Variants in COL21A1 observed in about 807,000 individuals in gnomAD.
The protein encoded by COL21A1 is collagen alpha-1(XXI) chain.
COL21A1 carries 149 observed loss-of-function variants against 137.9 expected under a neutral mutation model. The observed-to-expected ratio is 1.08, with a 90% CI of 0.95 to 1.24. COL21A1 has a LOEUF of 1.24. Among genes scored for constraint, COL21A1 ranks in the 50% most tolerant of loss-of-function variants. COL21A1 has a pLI of 0.00. For missense variants in COL21A1, 1,167 were observed against 1,158.4 expected (o/e 1.01, Z -0.11); for synonymous variants, 456 against 391.5 (o/e 1.16, Z -1.95).
At chr6:56,105,528 A>G (rs1770812499) in intron 16 of COL21A1, among the ~76,000 whole-genome samples, 2 of 152,192 alleles carry the variant, frequency 1.3e-5, no homozygotes, top group Non-Finnish European at 2.9e-5. Flanking sequence ...TCTAGTTAAG[A>G]TATCATTAAA....
In COL21A1 at chr6:56,260,812, G is replaced by T. The variant is rs938778333; in HGVS notation, c.-38-78156C>A. ...AGTGGAAGACAATTTTGTATTCAAA[G>T]AAGCCACATTTTGGAGCACAATTTA... On this transcript the variant is annotated intron_variant, in intron 1 of 28. Transcript: ENST00000370819. Among the ~76,000 whole-genome samples, 7 of 141,554 alleles carry T rather than the reference G, an allele frequency of 4.9e-5. No homozygotes were observed. In the East Asian group the frequency reaches 1.5e-3, roughly 30 times the overall value. The allele number at this position is 141,554 out of a possible 152,430, so 92.9% of individuals were successfully genotyped here.
At chr6:56,376,810 G>C (rs886865509) in intron 1 of COL21A1, among the ~76,000 whole-genome samples, 3 of 149,996 alleles carry the variant, frequency 2.0e-5, no homozygotes, top group Non-Finnish European at 4.4e-5. Flanking sequence ...AGAATAGAAG[G>C]CTCCACCAAT....
chr6:56,286,695 C>CT (rs5876500), intron 1 of COL21A1, among the ~76,000 whole-genome samples: 103,945 of 151,958 alleles, frequency 0.68, 36,564 homozygotes, highest in African/African-American at 0.76. Context: ...AACTTAATAT[C>CT]TGTTTTTTCC....
chr6:56,242,016 C>T (rs934339665), intron 1 of COL21A1, among the ~76,000 whole-genome samples: 3 of 152,148 alleles, frequency 2.0e-5, no homozygotes, highest in Non-Finnish European at 4.4e-5. Context: ...TTGGTAGACA[C>T]TTAATAGTTA....
chr6:56,342,424 G>A (rs11962322), intron 1 of COL21A1, among the ~76,000 whole-genome samples: 21,820 of 152,148 alleles, frequency 0.14, 2,089 homozygotes, highest in African/African-American at 0.27. Context: ...CCACTGACCT[G>A]AGGATGAAAC....
intron 16 of COL21A1, among the ~76,000 whole-genome samples, chr6:56,121,358 G>A (rs6926301): frequency 0.55 from 82,945 of 150,906 alleles, 23,079 homozygotes; most frequent in East Asian, 0.79. Flanking sequence ...AGAGTAAAAA[G>A]ATCAATGGTT....
intron 1 of COL21A1, among the ~76,000 whole-genome samples, chr6:56,185,144 A>G (rs1778181561): frequency 6.6e-6 from 1 of 151,946 alleles, no homozygotes; most frequent in African/African-American, 2.4e-5. Context: ...CTAAGCTTCC[A>G]CCTTAAGAAG....
intron 7 of COL21A1, among the ~76,000 whole-genome samples, chr6:56,166,604 T>C (rs931657980): frequency 2.6e-5 from 4 of 152,078 alleles, no homozygotes; most frequent in Non-Finnish European, 4.4e-5. Flanking sequence ...TGACCCGAGA[T>C]TGCGCCACTG....
At chr6:56,066,312 T>A (rs1227291682) in intron 23 of COL21A1, among the ~76,000 whole-genome samples, 1 of 151,990 alleles carries the variant, frequency 6.6e-6, no homozygotes, top group East Asian at 1.9e-4. Context: ...AAGAATAAGT[T>A]CATTAATAGG....
chr6:56,101,750 T>TA (rs1770479421), intron 16 of COL21A1, among the ~76,000 whole-genome samples: 1 of 152,228 alleles, frequency 6.6e-6, no homozygotes, highest in Admixed American at 6.5e-5. Context: ...GGCAGATAAT[T>TA]AAGTTATTAA....
intron 16 of COL21A1, among the ~76,000 whole-genome samples, chr6:56,109,908 G>A (rs1002823937): frequency 2.6e-5 from 4 of 151,956 alleles, no homozygotes; most frequent in Non-Finnish European, 4.4e-5. Context: ...CAGGCCCAGA[G>A]GGTTTCACTG....
chr6:56,281,181 T>A (rs1223564730), intron 1 of COL21A1, among the ~76,000 whole-genome samples: 1 of 152,102 alleles, frequency 6.6e-6, no homozygotes, highest in Non-Finnish European at 1.5e-5. Flanking sequence ...TGGAAAGACA[T>A]CAGAAACAGG....
chr6:56,343,186 C>G (rs564276500), intron 1 of COL21A1, among the ~76,000 whole-genome samples: 7 of 152,074 alleles, frequency 4.6e-5, no homozygotes, highest in African/African-American at 1.7e-4. Flanking sequence ...AGGGACCACC[C>G]AGAGAGACAT....
At chr6:56,306,052 G>A (rs11969786) in intron 1 of COL21A1, among the ~76,000 whole-genome samples, 1,168 of 20,322 alleles carry the variant, frequency 0.057, 221 homozygotes, top group South Asian at 0.39. Context: ...TAAGAATGTT[G>A]AATATTGGCA....
At chr6:56,130,689 C>T (rs953202749) in intron 12 of COL21A1, among the ~76,000 whole-genome samples, 2 of 152,030 alleles carry the variant, frequency 1.3e-5, no homozygotes, top group African/African-American at 4.8e-5. Context: ...CAAAGCTACT[C>T]TTATGTGCCG....
chr6:56,239,007 C>T (rs776264593), intron 1 of COL21A1, among the ~76,000 whole-genome samples: 34 of 152,140 alleles, frequency 2.2e-4, no homozygotes, highest in Non-Finnish European at 4.9e-4. Flanking sequence ...GCAAATTAAG[C>T]TTTAAAAGGT....
chr6:56,166,749 A>G (rs1191765334), intron 7 of COL21A1, 157 bp downstream of exon 7: 1 of 709,284 alleles, frequency 1.4e-6, no homozygotes, highest in East Asian at 2.7e-5. Flanking sequence ...TATAACCTCA[A>G]AATATGTTTT....
chr6:56,134,854 G>A lies in COL21A1; in HGVS notation c.1542+6931C>T, dbSNP rs9475571. ...TCCTTGCCTTCCACCATGATTGTGAGGCCCCCTCCCATGATTGTGAGGCCT... is the reference window on the plus strand; with the variant it reads ...TCCTTGCCTTCCACCATGATTGTGAAGCCCCCTCCCATGATTGTGAGGCCT... On this transcript the variant is annotated intron_variant, in intron 12 of 29. Transcript: ENST00000244728. 6.8e-3 allele frequency among the ~76,000 whole-genome samples: 1,039 copies of A among 152,150 alleles called. 14 individuals carry two copies. The highest frequency in any genetic ancestry group is 0.023 in the African/African-American group (971 of 41,522).
intron 17 of COL21A1, among the ~76,000 whole-genome samples, chr6:56,097,960 TATATAA>T (rs1769630982): frequency 1.3e-5 from 1 of 77,776 alleles, no homozygotes; most frequent in Non-Finnish European, 2.1e-5. Context: ...TATAAAAATA[TATATAA>T]ATATATAAAT....
Sources: allele counts gnomAD v4.1 joint callset (sites outside exome capture counted in the v4.1 genomes callset), GRCh38; gene constraint gnomAD v4.1.1; transcripts MANE v1.5; gene names NCBI Gene and HGNC (gene_info 2026-07-23, HGNC 2026-07-21).